CPE: variants seen among roughly 807,000 people sequenced by gnomAD.
The protein encoded by CPE is carbocypeptidase E.
Under a neutral mutation model 53.5 loss-of-function variants are expected in CPE, and 17 were observed. The observed-to-expected ratio is 0.32, with a 90% CI of 0.22 to 0.48. The LOEUF (loss-of-function observed/expected upper bound fraction) is 0.48. Ranked by LOEUF, CPE falls within the 20% of genes least tolerant of loss-of-function variation. The pLI is 0.99. For missense variants in CPE, 524 were observed against 614.7 expected, an observed-to-expected ratio of 0.85 and a Z score of 1.56; for synonymous variants, 226 against 228.8, an observed-to-expected ratio of 0.99 and a Z score of 0.11.
intron 5 of CPE, among the ~76,000 whole-genome samples, chr4:165,486,557 C>A (rs908622448): frequency 1.3e-5 from 2 of 152,058 alleles, no homozygotes; most frequent in Non-Finnish European, 2.9e-5. Flanking sequence ...AAGATGATTA[C>A]AAGATGAAAG....
chr4:165,437,924 A>C (rs1731539944), intron 1 of CPE, among the ~76,000 whole-genome samples: 1 of 152,116 alleles, frequency 6.6e-6, no homozygotes, highest in African/African-American at 2.4e-5. Flanking sequence ...ATAATTTAAC[A>C]TTGCTTCAGG....
intron 1 of CPE, among the ~76,000 whole-genome samples, chr4:165,420,109 C>T (rs1731184078): frequency 6.6e-6 from 1 of 151,902 alleles, no homozygotes; most frequent in African/African-American, 2.4e-5. Flanking sequence ...TAGTGCTATC[C>T]TCACCCTTAT....
In CPE at chr4:165,405,691, C is replaced by T. The variant is rs17046409; in HGVS notation, c.307+26163C>T. The T allele has an allele frequency of 7.6e-4, 612 of 803,340 alleles. 2 individuals carry two copies. In the African/African-American group the frequency reaches 9.1e-3, roughly 12 times the overall value. 49.8% of individuals were successfully genotyped at this position (803,340 alleles called of 1,614,324 possible). A position where few individuals can be genotyped will look rare whatever the true frequency, so the allele number is the denominator to read the frequency against. On this transcript the variant is annotated intron_variant, in intron 1 of 8. Transcript: ENST00000402744. ...TTCCTCTGGAAGTTTTAGTCCTGGT[C>T]GCAGAGATTCCACCAATTGGTCAAC...
chr4:165,449,013 C>A (rs911947179), intron 1 of CPE, among the ~76,000 whole-genome samples: 1 of 152,178 alleles, frequency 6.6e-6, no homozygotes, highest in African/African-American at 2.4e-5. Context: ...AGAGTTCCTA[C>A]TTCTTAGCGT....
intron 1 of CPE, among the ~76,000 whole-genome samples, chr4:165,423,057 G>A (rs1427287088): frequency 6.6e-6 from 1 of 151,212 alleles, no homozygotes. Context: ...GGGTGTTCCA[G>A]ATAAGAGACA....
intron 1 of CPE, among the ~76,000 whole-genome samples, chr4:165,380,443 G>C (rs774871323): frequency 1.3e-5 from 2 of 152,120 alleles, no homozygotes; most frequent in Non-Finnish European, 2.9e-5. Context: ...TTAATAAAGA[G>C]GTATTTAAAA....
At chr4:165,459,681 G>T (rs1210812592) in intron 1 of CPE, among the ~76,000 whole-genome samples, 6 of 128,732 alleles carry the variant, frequency 4.7e-5, no homozygotes, top group East Asian at 2.6e-4. Flanking sequence ...GGGTGGGGGG[G>T]GGCGGGGCAG....
At chr4:165,453,209 C>T (rs984105398) in intron 1 of CPE, among the ~76,000 whole-genome samples, 7 of 152,124 alleles carry the variant, frequency 4.6e-5, no homozygotes, top group African/African-American at 7.2e-5. Context: ...CCGCCCACCT[C>T]GGCCTCCCAA....
intron 1 of CPE, among the ~76,000 whole-genome samples, chr4:165,421,307 T>TGCCTGGCCATA (rs1357694841): frequency 6.6e-6 from 1 of 152,220 alleles, no homozygotes; most frequent in African/African-American, 2.4e-5. Flanking sequence ...AGGACCTACG[T>TGCCTGGCCATA]GCCTGGCCAT....
At chr4:165,476,710 C>T (rs1017226975) in intron 3 of CPE, among the ~76,000 whole-genome samples, 3 of 152,180 alleles carry the variant, frequency 2.0e-5, no homozygotes, top group Non-Finnish European at 4.4e-5. Flanking sequence ...AGGCCCTCTC[C>T]TGCCCTGCTC....
chr4:165,406,132 C>T, intron 1 of CPE: 1 of 751,830 alleles, frequency 1.3e-6, no homozygotes, highest in Non-Finnish European at 2.5e-6. Flanking sequence ...CTTCCGTGAA[C>T]TCTGAATGCA....
intron 1 of CPE, among the ~76,000 whole-genome samples, chr4:165,437,023 T>C (rs1731515207): frequency 6.6e-6 from 1 of 152,204 alleles, no homozygotes; most frequent in East Asian, 1.9e-4. Context: ...TATATCCTTC[T>C]TCATAGGGAA....
At chr4:165,467,412 T>C (rs1420992989) in intron 2 of CPE, among the ~76,000 whole-genome samples, 2 of 152,166 alleles carry the variant, frequency 1.3e-5, no homozygotes, top group Admixed American at 1.3e-4. Flanking sequence ...CACTAGGCAA[T>C]AGGAATTTTT....
At chr4:165,463,793 G>A (rs1478474508) in intron 1 of CPE, among the ~76,000 whole-genome samples, 2 of 152,254 alleles carry the variant, frequency 1.3e-5, no homozygotes, top group Non-Finnish European at 2.9e-5. Context: ...GAGGCACGTA[G>A]TGTGTTATTA....
chr4:165,442,023 G>GTTTTTTTTT lies in CPE; in HGVS notation c.308-22363_308-22355dup, dbSNP rs11415472. Among the ~76,000 whole-genome samples, 22 of 107,410 alleles carry GTTTTTTTTT rather than the reference G, an allele frequency of 2.0e-4. 1 individual carries two copies. Among genetic ancestry groups the GTTTTTTTTT allele is most frequent in the African/African-American group, 3.6e-4 (9 of 25,054 alleles). The allele number at this position is 107,410 out of a possible 152,430, so 70.5% of individuals were successfully genotyped here. ...CTTCCTACAGCAAGACGGTGAGTTT[G>GTTTTTTTTT]TTTTTTTTTTTTGTTTTTTTTTTGT... On this transcript the variant is annotated intron_variant, in intron 1 of 8. Coordinates refer to ENST00000402744, the MANE Select transcript of CPE (RefSeq NM_001873.4).
intron 1 of CPE, among the ~76,000 whole-genome samples, chr4:165,413,670 T>C (rs1731077729): frequency 6.6e-6 from 1 of 152,138 alleles, no homozygotes; most frequent in Admixed American, 6.5e-5. Flanking sequence ...GATGTGTAAA[T>C]AGATAATTAA....
intron 3 of CPE, among the ~76,000 whole-genome samples, chr4:165,479,685 A>C (rs561002699): frequency 1.1e-4 from 16 of 152,134 alleles, no homozygotes; most frequent in Non-Finnish European, 2.2e-4. Context: ...GGTCAGAGCT[A>C]ATTTTTTTTA....
intron 1 of CPE, among the ~76,000 whole-genome samples, chr4:165,453,305 CTT>C (rs1560886955): frequency 6.6e-6 from 1 of 150,970 alleles, no homozygotes; most frequent in African/African-American, 2.5e-5. Context: ...CTTTTTCTTT[CTT>C]TTTCCTTCCT....
chr4:165,379,281 G>A lies in CPE; in HGVS notation c.60G>A (p.Gly20=), dbSNP rs1236705957. The A allele has an allele frequency of 2.0e-6, 3 of 1,474,470 alleles. No individual in the cohort carries two copies. Among genetic ancestry groups the A allele is most frequent in the Non-Finnish European group, 2.7e-6 (3 of 1,123,366 alleles). The allele number at this position is 1,474,470 out of a possible 1,614,324, so 91.3% of individuals were successfully genotyped here. A position where few individuals can be genotyped will look rare whatever the true frequency, so the allele number is the denominator to read the frequency against. Residue 20 remains glycine (G), a synonymous_variant, in exon 1 of 9, where the codon GGG becomes GGA. Transcript: ENST00000402744. This position sits in a 1 kb window ranked among gnomAD's most constrained non-coding sequence, Gnocchi z 6.0. ...TGTGCGGGGCACTGGCTGCCTGCGG[G>A]TGGCTCCTGGGCGCCGAAGCCCAGG... The part of the protein sequence containing the change: ...LALCGALAAC[G]WLLGAEAQEP...
Sources: allele counts gnomAD v4.1 joint callset (sites outside exome capture counted in the v4.1 genomes callset), GRCh38; gene constraint gnomAD v4.1.1; non-coding constraint Gnocchi (gnomAD v3.1); transcripts MANE v1.5; gene names NCBI Gene and HGNC (gene_info 2026-07-23, HGNC 2026-07-21).